C6: variants seen among roughly 807,000 people sequenced by gnomAD.
The protein encoded by C6 is complement component C6.
In C6, 101 loss-of-function variants were observed where a neutral mutation model predicts 112.9. That is an observed-to-expected ratio of 0.89 (90% CI 0.76 to 1.06). The LOEUF (loss-of-function observed/expected upper bound fraction) is 1.06, where lower values mean the gene tolerates loss of function less well. C6 is among the 50% of genes least tolerant of loss of function. The probability of loss-of-function intolerance (pLI) is 0.00; values close to 1 mark genes in which losing one functional copy is unlikely to be tolerated. For missense variants in C6, 1,202 were observed against 1,104.6 expected (o/e 1.09, Z -1.25); for synonymous variants, 431 against 384.1 (o/e 1.12, Z -1.43).
At chr5:41,242,433 G>A (rs908339285) in intron 1 of C6, among the ~76,000 whole-genome samples, 10 of 152,160 alleles carry the variant, frequency 6.6e-5, no homozygotes, top group African/African-American at 2.2e-4. Context: ...GGAACTGTGA[G>A]TCAATTAAAC....
At chr5:41,214,947 C>T (rs1364954689), upstream of C6, among the ~76,000 whole-genome samples, 3 of 152,014 alleles carry the variant, frequency 2.0e-5, no homozygotes, top group Non-Finnish European at 2.9e-5. Context: ...AAGGGGAAAT[C>T]CTTGAGATGG....
At chr5:41,202,949 T>C (rs929896915) in intron 2 of C6, 139 bp downstream of exon 2, 28 of 886,896 alleles carry the variant, frequency 3.2e-5, no homozygotes, top group Non-Finnish European at 4.3e-5. Flanking sequence ...AGAGAGAGAC[T>C]TCAAATTTCA....
At position 41,161,708 on chromosome 5, in the gene C6, A is replaced by G; in HGVS notation, c.1443T>C (p.Ala481=). 6.2e-7 allele frequency: 1 copy of G among 1,613,552 alleles called. No homozygotes were observed. Among genetic ancestry groups the G allele is most frequent in the Non-Finnish European group, 8.5e-7 (1 of 1,179,550 alleles). The change falls in exon 10 of 18, where the codon GCT becomes GCC. Residue 481 remains alanine (A), a synonymous_variant. Coordinates refer to ENST00000337836, the MANE Select transcript of C6 (RefSeq NM_000065.5). Reference sequence around the variant, plus strand: ...TTACTCTTACCTCAAAGTCAATCACAGCAGGATTTTCCTTCACTGATTCTA... The same window carrying G: ...TTACTCTTACCTCAAAGTCAATCACGGCAGGATTTTCCTTCACTGATTCTA... ...EWLESVKENP[A]VIDFELAPIV...
At chr5:41,178,876 G>A (rs1749088183) in intron 7 of C6, among the ~76,000 whole-genome samples, 1 of 147,530 alleles carries the variant, frequency 6.8e-6, no homozygotes, top group South Asian at 2.2e-4. Context: ...ATTTTTTGTT[G>A]TTGTTGTTGC....
At chr5:41,256,057 C>T (rs371731021) in intron 1 of C6, among the ~76,000 whole-genome samples, 42 of 152,154 alleles carry the variant, frequency 2.8e-4, no homozygotes, top group African/African-American at 6.7e-4. Flanking sequence ...TAGATTCTTG[C>T]GATAGTTTAC....
chr5:41,176,241 A>T (rs1272597656), intron 8 of C6, among the ~76,000 whole-genome samples: 1 of 152,168 alleles, frequency 6.6e-6, no homozygotes, highest in Non-Finnish European at 1.5e-5. Flanking sequence ...GACAAATATG[A>T]TGCCTAAAAT....
intron 17 of C6, among the ~76,000 whole-genome samples, chr5:41,146,009 G>A (rs775198474): frequency 6.6e-5 from 10 of 152,168 alleles, no homozygotes; most frequent in Admixed American, 2.6e-4. Context: ...CAGACCAGAA[G>A]ATATTTCTCT....
chr5:41,223,394 A>C (rs939811809), intron 1 of C6, among the ~76,000 whole-genome samples: 1 of 152,222 alleles, frequency 6.6e-6, no homozygotes, highest in Non-Finnish European at 1.5e-5. Flanking sequence ...CAACAATTAC[A>C]CAATAGGCTG....
At chr5:41,171,318 T>C (rs1310732620) in intron 9 of C6, among the ~76,000 whole-genome samples, 1 of 152,158 alleles carries the variant, frequency 6.6e-6, no homozygotes, top group Non-Finnish European at 1.5e-5. Flanking sequence ...AGGCTGGGAC[T>C]GCTGAAGGAG....
rs1397625542 is a variant in C6, at chr5:41,149,841, G to C, written c.2381+94C>G. ...TATGTGGAAAATTCATTTATTTCAT[G>C]TCTGTGCTTCAAAAAGCTCAGCTCT... On this transcript the variant is annotated intron_variant, in intron 16 of 17. Coordinates refer to ENST00000337836, the MANE Select transcript of C6 (RefSeq NM_000065.5). 4.7e-6 allele frequency: 4 copies of C among 843,242 alleles called. No homozygotes were observed. The Admixed American group carries it at 7.1e-5, about 15-fold the overall frequency. 52.2% of individuals were successfully genotyped at this position (843,242 alleles called of 1,614,324 possible).
At chr5:41,182,414 T>A (rs1401343873) in intron 6 of C6, among the ~76,000 whole-genome samples, 1 of 152,192 alleles carries the variant, frequency 6.6e-6, no homozygotes, top group Non-Finnish European at 1.5e-5. Context: ...AGTATTGATA[T>A]TGCAGTGTAA....
At chr5:41,252,313 C>A (rs563686706) in intron 1 of C6, among the ~76,000 whole-genome samples, 2 of 152,286 alleles carry the variant, frequency 1.3e-5, no homozygotes, top group Admixed American at 6.5e-5. Flanking sequence ...GGATGGCCCC[C>A]CTCCTTGGCC....
chr5:41,190,629 CT>C (rs1375124244), intron 5 of C6, among the ~76,000 whole-genome samples: 1 of 152,084 alleles, frequency 6.6e-6, no homozygotes, highest in African/African-American at 2.4e-5. Context: ...ATCCCATTTG[CT>C]TTTGTTGCTT....
At chr5:41,255,559 C>A (rs184287199) in intron 1 of C6, among the ~76,000 whole-genome samples, 2 of 152,204 alleles carry the variant, frequency 1.3e-5, no homozygotes, top group Non-Finnish European at 2.9e-5. Context: ...TGGGAAGGGA[C>A]TCTAATCAGG....
intron 6 of C6, among the ~76,000 whole-genome samples, chr5:41,183,505 A>G (rs1228667827): frequency 6.6e-6 from 1 of 152,188 alleles, no homozygotes; most frequent in African/African-American, 2.4e-5. Flanking sequence ...GGCTGTGGAG[A>G]AAAGGAATGC....
At chr5:41,258,694 A>G (rs566739765) in intron 1 of C6, among the ~76,000 whole-genome samples, 29 of 152,272 alleles carry the variant, frequency 1.9e-4, no homozygotes, top group African/African-American at 7.0e-4. Context: ...AATACCTGAG[A>G]CTGGGTAATT....
chr5:41,203,045 G>A, intron 2 of C6, 43 bp downstream of exon 2: 1 of 1,604,484 alleles, frequency 6.2e-7, no homozygotes, highest in Non-Finnish European at 8.5e-7. Flanking sequence ...TCATCCTTGA[G>A]TCCTTCCAGG....
At chr5:41,188,840 T>C (rs1749982500) in intron 5 of C6, among the ~76,000 whole-genome samples, 2 of 151,922 alleles carry the variant, frequency 1.3e-5, no homozygotes, top group African/African-American at 2.4e-5. Flanking sequence ...ATACAACTCA[T>C]ATAATGGGAG....
intron 1 of C6, among the ~76,000 whole-genome samples, chr5:41,258,013 A>G (rs1175473664): frequency 6.6e-6 from 1 of 152,132 alleles, no homozygotes; most frequent in African/African-American, 2.4e-5. Flanking sequence ...ATTTTTTTCT[A>G]CCCAATCATA....
Sources: allele counts gnomAD v4.1 joint callset (sites outside exome capture counted in the v4.1 genomes callset), GRCh38; gene constraint gnomAD v4.1.1; transcripts MANE v1.5; gene names NCBI Gene and HGNC (gene_info 2026-07-23, HGNC 2026-07-21).